ARHGAP31: variants seen among roughly 807,000 people sequenced by gnomAD.
ARHGAP31 encodes rho GTPase-activating protein 31.
A neutral mutation model predicts 113.9 loss-of-function variants in ARHGAP31; 34 were observed. The observed-to-expected ratio is 0.30, with a 90% CI of 0.23 to 0.40. ARHGAP31 has a LOEUF of 0.40. Among genes scored for constraint, ARHGAP31 ranks in the 10% least tolerant of loss-of-function variants. ARHGAP31 has a pLI of 1.00. For missense variants in ARHGAP31, 1,548 were observed against 1,767.1 expected, an observed-to-expected ratio of 0.88 and a Z score of 2.22; for synonymous variants, 650 against 684.8, an observed-to-expected ratio of 0.95 and a Z score of 0.79.
At position 119,401,949 on chromosome 3, in the gene ARHGAP31, C is replaced by A; in HGVS notation, c.1197C>A (p.Gly399=). 6.2e-7 allele frequency: 1 copy of A among 1,614,106 alleles called. No individual in the cohort carries two copies. Among genetic ancestry groups the A allele is most frequent in the Non-Finnish European group, 8.5e-7 (1 of 1,180,006 alleles). The change falls in exon 10 of 12, where the codon GGC becomes GGA. Residue 399 remains glycine (G), a synonymous_variant. Transcript: ENST00000264245. ...TCACCAAGCAGGAGGGCGAATGGGGCCAGGAGGGGATGCCTCCCGGGGCTG... is the reference window on the plus strand; with the variant it reads ...TCACCAAGCAGGAGGGCGAATGGGGACAGGAGGGGATGCCTCCCGGGGCTG... ...CDLTKQEGEW[G]QEGMPPGAEG... is the part of the protein sequence containing the mutation.
At position 119,415,732 on chromosome 3, in the gene ARHGAP31, G is replaced by A. The variant is rs375063944; in HGVS notation, c.3803G>A (p.Gly1268Glu). Residue 1268 changes from glycine (G) to glutamate (E), a missense_variant, in exon 12 of 12, where the codon GGA becomes GAA. Physicochemically the swap from Gly to Glu is moderately conservative, Grantham distance 98 (BLOSUM62 -2). Coordinates refer to ENST00000264245, the MANE Select transcript of ARHGAP31 (RefSeq NM_020754.4). ...SKEEKPKQDP[G>E]AIKSSPVDAT... ...GAAGAAAAACCAAAGCAAGATCCCG[G>A]AGCCATTAAGTCCTCACCAGTGGAT... 266 of 1,614,076 alleles carry A rather than the reference G, an allele frequency of 1.6e-4. 1 individual carries two copies. The South Asian group carries it at 2.8e-3, about 17-fold the overall frequency.
intron 1 of ARHGAP31, among the ~76,000 whole-genome samples, chr3:119,341,576 T>C (rs551617386): frequency 3.9e-4 from 59 of 152,290 alleles, no homozygotes; most frequent in Admixed American, 4.6e-4. Flanking sequence ...CCTTGAAATA[T>C]GGTTCTAGGG....
At chr3:119,325,351 T>C (rs930594190) in intron 1 of ARHGAP31, among the ~76,000 whole-genome samples, 4 of 152,246 alleles carry the variant, frequency 2.6e-5, no homozygotes, top group African/African-American at 9.6e-5. Flanking sequence ...CACATTCACA[T>C]ATCATCTCTG....
intron 1 of ARHGAP31, among the ~76,000 whole-genome samples, chr3:119,360,273 A>T (rs2080194419): frequency 6.6e-6 from 1 of 152,166 alleles, no homozygotes; most frequent in South Asian, 2.1e-4. Flanking sequence ...ACACCACTAG[A>T]CTTTACTTTG....
Position 119,399,201 on chromosome 3 carries a change from GA to G in ARHGAP31, c.1013del (p.Lys338ArgfsTer76). ...VFVRGQRLSV[E>X]KATIRPAKSM... ...GATATTTTTTCTTTTGTCTTTAGTG[GA>G]AAAGGCTACTATCCGACCAGCTAAA... On this transcript the variant is annotated frameshift_variant, in exon 9 of 12. Coordinates refer to ENST00000264245, the MANE Select transcript of ARHGAP31 (RefSeq NM_020754.4). LOFTEE classifies it high-confidence loss of function. 6.2e-7 allele frequency: 1 copy of G among 1,613,378 alleles called. No individual in the cohort carries two copies. Among genetic ancestry groups the G allele is most frequent in the Non-Finnish European group, 8.5e-7 (1 of 1,179,362 alleles).
chr3:119,375,534 G>C lies in ARHGAP31; in HGVS notation c.349-5370G>C, dbSNP rs551976433. ...AATTTAACCACATCTGCAAAGACTC[G>C]TTTCCAAATAAGGTAACACAGGTTC... On this transcript the variant is annotated intron_variant, in intron 3 of 11. Coordinates refer to ENST00000264245, the MANE Select transcript of ARHGAP31 (RefSeq NM_020754.4). Among the ~76,000 whole-genome samples, 117 of 152,288 alleles carry C rather than the reference G, an allele frequency of 7.7e-4. 1 individual carries two copies. The South Asian group carries it at 0.023, about 29-fold the overall frequency.
intron 1 of ARHGAP31, among the ~76,000 whole-genome samples, chr3:119,357,684 C>G (rs1300533913): frequency 2.0e-5 from 3 of 152,172 alleles, no homozygotes; most frequent in African/African-American, 7.2e-5. Flanking sequence ...ACTTCTCACT[C>G]TTTTTTTCCT....
At chr3:119,387,095 C>T (rs558475219) in intron 6 of ARHGAP31, among the ~76,000 whole-genome samples, 1 of 146,218 alleles carries the variant, frequency 6.8e-6, no homozygotes, top group South Asian at 2.2e-4. Context: ...CTCTAAACTC[C>T]CCCGGGGAAA....
chr3:119,320,069 G>A (rs1700462844), intron 1 of ARHGAP31, among the ~76,000 whole-genome samples: 1 of 152,168 alleles, frequency 6.6e-6, no homozygotes, highest in East Asian at 1.9e-4. Context: ...TTCAATCCCA[G>A]AGCAAAAGCT....
At chr3:119,373,537 C>T (rs2080321260) in intron 3 of ARHGAP31, among the ~76,000 whole-genome samples, 2 of 151,896 alleles carry the variant, frequency 1.3e-5, no homozygotes, top group Non-Finnish European at 2.9e-5. Context: ...GATCACGGCT[C>T]ACTGCAGCCT....
At chr3:119,370,536 C>T (rs1435283396) in intron 3 of ARHGAP31, among the ~76,000 whole-genome samples, 1 of 152,092 alleles carries the variant, frequency 6.6e-6, no homozygotes, top group Non-Finnish European at 1.5e-5. Context: ...GTTAACAGAT[C>T]GAACAGATAT....
chr3:119,332,795 A>G (rs115142907), intron 1 of ARHGAP31, among the ~76,000 whole-genome samples: 2,010 of 152,218 alleles, frequency 0.013, 44 homozygotes, highest in African/African-American at 0.044. Flanking sequence ...GTAGCAGGCA[A>G]TTGTCATGGT....
chr3:119,403,196 T>C (rs2080628935), intron 10 of ARHGAP31, among the ~76,000 whole-genome samples: 1 of 152,222 alleles, frequency 6.6e-6, no homozygotes, highest in South Asian at 2.1e-4. Flanking sequence ...TTTCCGTTAA[T>C]ATTAGTCATT....
rs372543537 is a variant in ARHGAP31, at chr3:119,416,091, C to G, written c.4162C>G (p.Leu1388Val). 1 of 1,614,192 alleles carries G rather than the reference C, an allele frequency of 6.2e-7. No homozygotes were observed. The highest frequency in any genetic ancestry group is 8.5e-7 in the Non-Finnish European group (1 of 1,180,040). The part of the protein sequence containing the change: ...SPTQTVSPGL[L>V]CGELAENTWV... ...CACCCAGACAGTTTCCCCTGGCCTT[C>G]TTTGTGGAGAGTTGGCAGAAAACAC... Residue 1388 changes from leucine (L) to valine (V), a missense_variant, in exon 12 of 12, where the codon CTT (leucine) becomes GTT (valine). Transcript: ENST00000264245.
chr3:119,365,467 T>C, intron 2 of ARHGAP31, 49 bp downstream of exon 2: 1 of 1,495,850 alleles, frequency 6.7e-7, no homozygotes, highest in Non-Finnish European at 9.3e-7. Context: ...ATTCCTCCTG[T>C]GTCCATGCCT....
chr3:119,407,877 T>C (rs1174415732), intron 10 of ARHGAP31, among the ~76,000 whole-genome samples: 1 of 152,150 alleles, frequency 6.6e-6, no homozygotes, highest in Non-Finnish European at 1.5e-5. Flanking sequence ...AGGTTCCACA[T>C]CCATGGATTG....
chr3:119,359,206 C>T (rs1431042090), intron 1 of ARHGAP31, among the ~76,000 whole-genome samples: 17 of 151,840 alleles, frequency 1.1e-4, no homozygotes, highest in African/African-American at 3.4e-4. Flanking sequence ...TTAGTAGAGA[C>T]GAGGTTTCAC....
At chr3:119,347,578 C>T (rs1162383097) in intron 1 of ARHGAP31, among the ~76,000 whole-genome samples, 1 of 152,150 alleles carries the variant, frequency 6.6e-6, no homozygotes, top group African/African-American at 2.4e-5. Context: ...GGAAGCTTTA[C>T]GGTGGCCTCC....
At chr3:119,375,096 T>C (rs2080335649) in intron 3 of ARHGAP31, among the ~76,000 whole-genome samples, 1 of 152,202 alleles carries the variant, frequency 6.6e-6, no homozygotes, top group Admixed American at 6.5e-5. Flanking sequence ...GGATTTTTTA[T>C]TTTCTGCAGA....
Sources: gnomAD v4.1 joint callset for allele counts (sites outside exome capture counted in the v4.1 genomes callset) on GRCh38, gnomAD v4.1.1 for gene constraint, MANE v1.5 for transcripts, NCBI Gene and HGNC (gene_info 2026-07-23, HGNC 2026-07-21) for gene names.